CARMIL1: variants seen among roughly 807,000 people sequenced by gnomAD.
The protein encoded by CARMIL1 is capping protein regulator and myosin 1 linker 1.
In CARMIL1, 90 loss-of-function variants were observed where a neutral mutation model predicts 177.1. That is an observed-to-expected ratio of 0.51 (90% CI 0.43 to 0.61). The LOEUF is 0.61. Ranked by LOEUF, CARMIL1 falls within the 20% of genes least tolerant of loss-of-function variation. The pLI, the probability that CARMIL1 is intolerant of heterozygous loss-of-function variation, is 0.00. For missense variants in CARMIL1, 1,380 were observed against 1,667.0 expected, an observed-to-expected ratio of 0.83 and a Z score of 3.00; for synonymous variants, 577 against 606.2, an observed-to-expected ratio of 0.95 and a Z score of 0.71.
intron 9 of CARMIL1, among the ~76,000 whole-genome samples, chr6:25,469,638 G>T (rs1800926100): frequency 6.6e-6 from 1 of 152,086 alleles, no homozygotes; most frequent in African/African-American, 2.4e-5. Context: ...GTTCAATGCA[G>T]CCTCGACATC....
chr6:25,538,285 A>C (rs1808513301), intron 25 of CARMIL1, among the ~76,000 whole-genome samples: 9 of 152,202 alleles, frequency 5.9e-5, no homozygotes, highest in Admixed American at 5.9e-4. Context: ...TTCTGCTTCT[A>C]AGCTGATAAC....
At chr6:25,345,376 G>A (rs1008069657) in intron 2 of CARMIL1, among the ~76,000 whole-genome samples, 2 of 152,038 alleles carry the variant, frequency 1.3e-5, no homozygotes, top group Non-Finnish European at 2.9e-5. Context: ...TACTCTCAGT[G>A]CTTTAAATAT....
chr6:25,362,464 C>T (rs1562036117), intron 2 of CARMIL1, among the ~76,000 whole-genome samples: 1 of 152,244 alleles, frequency 6.6e-6, no homozygotes, highest in East Asian at 1.9e-4. Context: ...CACCTGAGGT[C>T]CGGAGTTTGA....
At chr6:25,510,072 A>G (rs378713) in intron 18 of CARMIL1, among the ~76,000 whole-genome samples, 66,409 of 151,938 alleles carry the variant, frequency 0.44, 14,904 homozygotes, top group Middle Eastern at 0.52. Flanking sequence ...TATTTATTCA[A>G]AAGCTTATTT....
chr6:25,382,248 T>TCAC (rs1329704453), intron 2 of CARMIL1, among the ~76,000 whole-genome samples: 104 of 152,110 alleles, frequency 6.8e-4, no homozygotes, highest in African/African-American at 1.9e-3. Context: ...CAGGTGTACG[T>TCAC]CACCACGTCT....
chr6:25,464,416 A>G (rs918417387), intron 8 of CARMIL1, among the ~76,000 whole-genome samples: 1 of 152,176 alleles, frequency 6.6e-6, no homozygotes, highest in Non-Finnish European at 1.5e-5. Context: ...TAAGATGTAA[A>G]CAACAGTGAC....
chr6:25,441,320 C>CATATATATAT (rs199573016), intron 5 of CARMIL1, among the ~76,000 whole-genome samples: 1,549 of 99,400 alleles, frequency 0.016, 39 homozygotes, highest in Non-Finnish European at 0.02. Flanking sequence ...AACAAACAAA[C>CATATATATAT]ATATATATAT....
intron 11 of CARMIL1, among the ~76,000 whole-genome samples, chr6:25,474,395 G>T (rs968552411): frequency 5.3e-5 from 8 of 152,074 alleles, no homozygotes; most frequent in African/African-American, 1.9e-4. Flanking sequence ...GATTACAGGC[G>T]TGAGCCACCG....
chr6:25,327,458 C>T (rs1213576669), intron 2 of CARMIL1, among the ~76,000 whole-genome samples: 1 of 152,210 alleles, frequency 6.6e-6, no homozygotes, highest in Non-Finnish European at 1.5e-5. Flanking sequence ...TGATTTCCAT[C>T]ACAGGTTTTA....
chr6:25,415,440 C>T (rs924256709), intron 2 of CARMIL1, among the ~76,000 whole-genome samples: 1 of 151,768 alleles, frequency 6.6e-6, no homozygotes, highest in Non-Finnish European at 1.5e-5. Context: ...AAGCAGGTCA[C>T]CTGACTCCCT....
chr6:25,566,268 A>G (rs985894264), intron 29 of CARMIL1, among the ~76,000 whole-genome samples: 1 of 152,214 alleles, frequency 6.6e-6, no homozygotes, highest in African/African-American at 2.4e-5. Context: ...ATAGCTTCAC[A>G]TTGTACCCAG....
At chr6:25,332,646 G>C (rs1322575376) in intron 2 of CARMIL1, among the ~76,000 whole-genome samples, 1 of 151,924 alleles carries the variant, frequency 6.6e-6, no homozygotes, top group Non-Finnish European at 1.5e-5. Context: ...TGTAATACTT[G>C]TTACATATCC....
chr6:25,392,562 G>A (rs188748607), intron 2 of CARMIL1, among the ~76,000 whole-genome samples: 1 of 152,246 alleles, frequency 6.6e-6, no homozygotes, highest in African/African-American at 2.4e-5. Context: ...AAACTGCTCA[G>A]CACCCTGCTT....
At position 25,402,867 on chromosome 6, in the gene CARMIL1, A is replaced by G. The variant is rs561907079; in HGVS notation, c.139-17247A>G. Reference sequence around the variant, plus strand: ...CCCAAAATTGTGTTTTAGAATTTAAATAGAATCTCAGGTTATATATTATAG... The same window carrying G: ...CCCAAAATTGTGTTTTAGAATTTAAGTAGAATCTCAGGTTATATATTATAG... On this transcript the variant is annotated intron_variant, in intron 2 of 36. Transcript: ENST00000329474. 1.3e-4 allele frequency among the ~76,000 whole-genome samples: 20 copies of G among 152,290 alleles called. 1 individual carries two copies. Among genetic ancestry groups the G allele is most frequent in the Admixed American group, 1.1e-3 (17 of 15,304 alleles).
intron 29 of CARMIL1, among the ~76,000 whole-genome samples, chr6:25,560,858 A>G (rs1430461971): frequency 1.3e-5 from 2 of 152,230 alleles, no homozygotes; most frequent in Admixed American, 6.5e-5. Flanking sequence ...TAATATAACC[A>G]TAATGGTAGC....
intron 29 of CARMIL1, among the ~76,000 whole-genome samples, chr6:25,573,735 T>G (rs1395259956): frequency 6.6e-6 from 1 of 152,106 alleles, no homozygotes; most frequent in East Asian, 1.9e-4. Context: ...TCCATCTCAG[T>G]TCTGTATTAA....
chr6:25,541,914 C>T (rs746712789), intron 26 of CARMIL1, among the ~76,000 whole-genome samples: 2 of 152,190 alleles, frequency 1.3e-5, no homozygotes, highest in African/African-American at 2.4e-5. Context: ...TTGCCTTTGC[C>T]TCCCAAAGTG....
At chr6:25,350,851 A>G (rs1788042194) in intron 2 of CARMIL1, 1 of 152,220 alleles carries the variant, frequency 6.6e-6, no homozygotes, top group African/African-American at 2.4e-5. Flanking sequence ...ATTAGCTTAG[A>G]GTATTCCCCC....
intron 26 of CARMIL1, among the ~76,000 whole-genome samples, chr6:25,547,833 T>G (rs72839078): frequency 2.3e-3 from 344 of 152,290 alleles, no homozygotes; most frequent in Non-Finnish European, 3.2e-3. Flanking sequence ...TATTTTATTT[T>G]TTATCACTGA....
Sources: allele counts gnomAD v4.1 joint callset (sites outside exome capture counted in the v4.1 genomes callset), GRCh38; gene constraint gnomAD v4.1.1; transcripts MANE v1.5; gene names NCBI Gene and HGNC (gene_info 2026-07-23, HGNC 2026-07-21).